CTNND2: variants seen among roughly 807,000 people sequenced by gnomAD.
CTNND2 encodes catenin delta-2.
In CTNND2, 22 loss-of-function variants were observed where a neutral mutation model predicts 144.4. The ratio of observed to expected loss-of-function variants is 0.15; its 90% CI spans 0.11 to 0.22. The LOEUF is 0.22. Ranked by LOEUF, CTNND2 falls within the 10% of genes least tolerant of loss-of-function variation. The pLI is 1.00. For missense variants in CTNND2, 1,353 were observed against 1,618.8 expected (o/e 0.84, Z 2.82); for synonymous variants, 751 against 695.6 (o/e 1.08, Z -1.25).
chr5:11,474,913 A>G (rs1327234772), intron 3 of CTNND2, among the ~76,000 whole-genome samples: 2 of 152,254 alleles, frequency 1.3e-5, no homozygotes, highest in African/African-American at 4.8e-5. Context: ...TCATTGGTTC[A>G]CTGTGCTAGA....
intron 10 of CTNND2, among the ~76,000 whole-genome samples, chr5:11,221,992 C>T (rs1454044347): frequency 6.6e-6 from 1 of 152,220 alleles, no homozygotes; most frequent in African/African-American, 2.4e-5. Context: ...AGGTCTTCTT[C>T]TCTAAACGAT....
chr5:11,507,963 G>A (rs1341193593), intron 3 of CTNND2, among the ~76,000 whole-genome samples: 1 of 149,030 alleles, frequency 6.7e-6, no homozygotes, highest in African/African-American at 2.5e-5. Context: ...CGTGTTGTGA[G>A]GCTTTGGACA....
intron 16 of CTNND2, among the ~76,000 whole-genome samples, chr5:11,061,749 C>CCA (rs1747007882): frequency 2.6e-5 from 4 of 151,984 alleles, no homozygotes; most frequent in Admixed American, 2.6e-4. Context: ...GTTCTTGTCA[C>CCA]CTAGGCTGGA....
At chr5:11,361,814 T>A (rs141567736) in intron 8 of CTNND2, among the ~76,000 whole-genome samples, 24 of 152,348 alleles carry the variant, frequency 1.6e-4, no homozygotes, top group African/African-American at 5.5e-4. Flanking sequence ...ATTCCCTAAC[T>A]GTTGAGGCAT....
Position 10,973,744 on chromosome 5 carries a change from A to C in CTNND2, c.3418-31T>G. 6.4e-7 allele frequency: 1 copy of C among 1,555,330 alleles called. No homozygotes were observed. The highest frequency in any genetic ancestry group is 8.7e-7 in the Non-Finnish European group (1 of 1,151,736). ...CGGGAAAGAAGAGCCACACTGGGTT[A>C]CTTGGTTTCCCTTGACTCAGCCTGC... is the stretch of plus-strand genomic sequence containing the variant. On this transcript the variant is annotated intron_variant, in intron 21 of 21. Transcript: ENST00000304623. The surrounding 1 kb of genome is among the most constrained non-coding windows in gnomAD (Gnocchi z 5.6).
At chr5:11,044,081 G>T (rs1029123799) in intron 16 of CTNND2, among the ~76,000 whole-genome samples, 1 of 152,336 alleles carries the variant, frequency 6.6e-6, no homozygotes, top group African/African-American at 2.4e-5. Flanking sequence ...CAGCGGGGTA[G>T]CAGCCTCTGC....
intron 10 of CTNND2, among the ~76,000 whole-genome samples, chr5:11,207,294 G>C (rs1738148300): frequency 6.6e-6 from 1 of 151,718 alleles, no homozygotes; most frequent in African/African-American, 2.4e-5. Context: ...TACATGACGG[G>C]TTGATGGGTG....
chr5:11,340,574 A>C (rs181814538), intron 9 of CTNND2, among the ~76,000 whole-genome samples: 2 of 152,236 alleles, frequency 1.3e-5, no homozygotes, highest in Non-Finnish European at 2.9e-5. Flanking sequence ...ATTGGGACCC[A>C]AAAAAGATTT....
chr5:11,367,568 G>A (rs181402316), intron 7 of CTNND2, among the ~76,000 whole-genome samples: 7 of 152,206 alleles, frequency 4.6e-5, no homozygotes, highest in East Asian at 1.9e-4. Flanking sequence ...AATCTCAAGC[G>A]TCACACTGGA....
intron 11 of CTNND2, among the ~76,000 whole-genome samples, chr5:11,188,252 TAC>T (rs1223734900): frequency 6.6e-6 from 1 of 152,112 alleles, no homozygotes; most frequent in Non-Finnish European, 1.5e-5. Flanking sequence ...TATATATATA[TAC>T]CATAGAATAC....
At chr5:11,583,702 G>A (rs1316408005) in intron 2 of CTNND2, among the ~76,000 whole-genome samples, 1 of 152,158 alleles carries the variant, frequency 6.6e-6, no homozygotes, top group Non-Finnish European at 1.5e-5. Context: ...AAAATAAACA[G>A]AGAGGTCAGG....
At chr5:11,171,812 C>T (rs1016441319) in intron 11 of CTNND2, among the ~76,000 whole-genome samples, 13 of 152,020 alleles carry the variant, frequency 8.6e-5, no homozygotes, top group African/African-American at 2.4e-4. Context: ...CCCTGAAGAA[C>T]GAGCAGAATT....
chr5:11,138,876 T>C (rs183926367), intron 12 of CTNND2, among the ~76,000 whole-genome samples: 196 of 152,346 alleles, frequency 1.3e-3, no homozygotes, highest in African/African-American at 4.2e-3. Context: ...AGGAGGTTCC[T>C]TCCTGCATGT....
chr5:11,364,879 C>T lies in CTNND2; in HGVS notation c.1189G>A (p.Ala397Thr). ...TGCCCATGCTGGCTGCTGTATGAGG[C>T]TCGGGAACCAGCTGAAATAAATCAA... ...RPGSLAAGSR[A>T]SYSSQHGHLG... Residue 397 changes from alanine (A) to threonine (T), a missense_variant, in exon 8 of 22, where the codon GCC becomes ACC. Physicochemically the swap from Ala to Thr is moderately conservative, Grantham distance 58. Coordinates refer to ENST00000304623, the MANE Select transcript of CTNND2 (RefSeq NM_001332.4). 6.2e-7 allele frequency: 1 copy of T among 1,611,326 alleles called. No homozygotes were observed. Among genetic ancestry groups the T allele is most frequent in the Non-Finnish European group, 8.5e-7 (1 of 1,178,854 alleles).
At chr5:11,717,348 T>A (rs1581767585) in intron 2 of CTNND2, among the ~76,000 whole-genome samples, 1 of 151,042 alleles carries the variant, frequency 6.6e-6, no homozygotes, top group African/African-American at 2.4e-5. Context: ...CTGAGGCAGG[T>A]GGATCACCTG....
chr5:11,159,910 T>C, intron 11 of CTNND2, 151 bp from the exon 12 acceptor site: 1 of 552,502 alleles, frequency 1.8e-6, no homozygotes, highest in Non-Finnish European at 3.1e-6. Context: ...TTTAGAACAT[T>C]CGTGTGAACC....
intron 9 of CTNND2, among the ~76,000 whole-genome samples, chr5:11,280,888 A>G (rs1362242648): frequency 6.6e-6 from 1 of 151,852 alleles, no homozygotes; most frequent in Non-Finnish European, 1.5e-5. Context: ...GTGTCCTTCA[A>G]CTCCCTGGAT....
At position 11,320,304 on chromosome 5, in the gene CTNND2, A is replaced by G. The variant is rs186505039; in HGVS notation, c.1628+26068T>C. 4.1e-4 allele frequency among the ~76,000 whole-genome samples: 63 copies of G among 152,308 alleles called. No homozygotes were observed. The East Asian group carries it at 0.01, about 24-fold the overall frequency. ...ATTAATATATTTCACTTTCACTCAC[A>G]TAAGTAAAGTTGCTTCAGTTTTTTT... On this transcript the variant is annotated intron_variant, in intron 9 of 21. Transcript: ENST00000304623.
At chr5:11,612,504 A>T (rs1234306570) in intron 2 of CTNND2, among the ~76,000 whole-genome samples, 1 of 152,208 alleles carries the variant, frequency 6.6e-6, no homozygotes, top group African/African-American at 2.4e-5. Flanking sequence ...ACATTAAGTA[A>T]ATTTGATTGT....
Sources: allele counts gnomAD v4.1 joint callset (sites outside exome capture counted in the v4.1 genomes callset), GRCh38; gene constraint gnomAD v4.1.1; non-coding constraint Gnocchi (gnomAD v3.1); transcripts MANE v1.5; gene names NCBI Gene and HGNC (gene_info 2026-07-23, HGNC 2026-07-21).